PAX7: variants seen among roughly 807,000 people sequenced by gnomAD.
PAX7 encodes paired box 7.
A neutral mutation model predicts 50.7 loss-of-function variants in PAX7; 18 were observed. The observed-to-expected ratio is 0.36, with a 90% CI of 0.25 to 0.53. The LOEUF is 0.53. Ranked by LOEUF, PAX7 falls within the 20% of genes least tolerant of loss-of-function variation. PAX7 has a pLI of 0.93. For missense variants in PAX7, 644 were observed against 702.9 expected (o/e 0.92, Z 0.95); for synonymous variants, 310 against 290.4 (o/e 1.07, Z -0.69).
At position 18,735,772 on chromosome 1, in the gene PAX7, A is replaced by G. The variant is rs1028489496; in HGVS notation, c.1296A>G (p.Pro432=). ...SCSQRADSIK[P]GDSLPTSQAY... ...GCCAGCGGGCCGACTCCATCAAGCC[A>G]GGAGACAGCCTGCCCACCTCCCAGG... Residue 432 remains proline, a synonymous_variant, in exon 8 of 9, where the codon CCA becomes CCG. Coordinates refer to ENST00000420770, the MANE Select transcript of PAX7 (RefSeq NM_001135254.2). The surrounding 1 kb of genome is among the most constrained non-coding windows in gnomAD (Gnocchi z 4.0). The G allele has an allele frequency of 1.2e-6, 2 of 1,614,114 alleles. No homozygotes were observed. Among genetic ancestry groups the G allele is most frequent in the Admixed American group, 1.7e-5 (1 of 60,032 alleles).
chr1:18,634,591 C>A lies in PAX7; in HGVS notation c.321+53C>A. 1 of 1,504,592 alleles carries A rather than the reference C, an allele frequency of 6.6e-7. No homozygotes were observed. The highest frequency in any genetic ancestry group is 1.7e-4 in the Middle Eastern group (1 of 5,826). 93.2% of individuals were successfully genotyped at this position (1,504,592 alleles called of 1,614,324 possible). A position where few individuals can be genotyped will look rare whatever the true frequency, so the allele number is the denominator to read the frequency against. ...AGCTGGCTTCCTATAGTCGGGGGCTCCTGGTTGTGGCCCCTCTTACTACCT... is the reference window on the plus strand; with the variant it reads ...AGCTGGCTTCCTATAGTCGGGGGCTACTGGTTGTGGCCCCTCTTACTACCT... On this transcript the variant is annotated intron_variant, in intron 2 of 8. Transcript: ENST00000420770. The surrounding 1 kb of genome is among the most constrained non-coding windows in gnomAD (Gnocchi z 4.0).
In PAX7 at chr1:18,714,840, G is replaced by T. The variant is rs1270350409; in HGVS notation, c.1155+11544G>T. Among the ~76,000 whole-genome samples, 4 of 152,360 alleles carry T rather than the reference G, an allele frequency of 2.6e-5. No individual in the cohort carries two copies. In the East Asian group the frequency reaches 7.7e-4, roughly 29 times the overall value. On this transcript the variant is annotated intron_variant, in intron 7 of 8. Transcript: ENST00000420770. ...GGGTTTAGCCTTCCAGAGCTGCATG[G>T]CTTGGTGGGAAAGAATGCAAATAGT...
At chr1:18,710,991 A>C (rs914672237) in intron 7 of PAX7, among the ~76,000 whole-genome samples, 2 of 152,220 alleles carry the variant, frequency 1.3e-5, no homozygotes, top group African/African-American at 4.8e-5. Context: ...CGCCCCGCCC[A>C]GCCCTTCCTT....
intron 8 of PAX7, among the ~76,000 whole-genome samples, chr1:18,743,118 C>T (rs192647195): frequency 2.6e-5 from 4 of 152,336 alleles, no homozygotes; most frequent in African/African-American, 9.6e-5. Context: ...ATCTCTCAAG[C>T]TCACATTGTG....
At chr1:18,684,856 G>A (rs1214673209) in intron 4 of PAX7, among the ~76,000 whole-genome samples, 2 of 152,176 alleles carry the variant, frequency 1.3e-5, no homozygotes, top group Non-Finnish European at 2.9e-5. Flanking sequence ...CGGAGGGTGT[G>A]AGGGAGGCTG....
Position 18,716,943 on chromosome 1 carries a change from G to A in PAX7, c.1155+13647G>A, listed in dbSNP as rs376146077. 6.3e-3 allele frequency among the ~76,000 whole-genome samples: 935 copies of A among 149,206 alleles called. 13 individuals are homozygous for A. Among genetic ancestry groups the A allele is most frequent in the South Asian group, 0.027 (127 of 4,676 alleles). ...CAGGGACCGGGCGCGGGCTCCCGAGGCCGGGCGGACCCAAGTCCAGGGCGG... is the reference window on the plus strand; with the variant it reads ...CAGGGACCGGGCGCGGGCTCCCGAGACCGGGCGGACCCAAGTCCAGGGCGG... On this transcript the variant is annotated intron_variant, in intron 7 of 8. Transcript: ENST00000420770.
At chr1:18,684,514 A>G (rs1487931210) in intron 4 of PAX7, among the ~76,000 whole-genome samples, 2 of 152,310 alleles carry the variant, frequency 1.3e-5, no homozygotes, top group East Asian at 3.9e-4. Flanking sequence ...CGAGCCCCGT[A>G]CACCGTGCGC....
chr1:18,719,301 C>T (rs1388029605), intron 7 of PAX7, among the ~76,000 whole-genome samples: 2 of 152,178 alleles, frequency 1.3e-5, no homozygotes, highest in African/African-American at 2.4e-5. Flanking sequence ...CCCGTGTGGG[C>T]GAATGAGTGC....
intron 8 of PAX7, among the ~76,000 whole-genome samples, chr1:18,740,997 G>A (rs996552027): frequency 6.6e-6 from 1 of 152,232 alleles, no homozygotes; most frequent in African/African-American, 2.4e-5. Context: ...GGGAAGCAGG[G>A]AGGGAGATGA....
chr1:18,701,961 T>C (rs141797609), intron 6 of PAX7, among the ~76,000 whole-genome samples: 1 of 152,208 alleles, frequency 6.6e-6, no homozygotes, highest in Non-Finnish European at 1.5e-5. Flanking sequence ...TCCCTCCCCC[T>C]ACCTCACCGG....
intron 7 of PAX7, among the ~76,000 whole-genome samples, chr1:18,725,316 C>A (rs752664247): frequency 7.4e-6 from 1 of 134,652 alleles, no homozygotes; most frequent in African/African-American, 2.9e-5. Flanking sequence ...CCCCCCCGCC[C>A]CACCAACACC....
intron 7 of PAX7, among the ~76,000 whole-genome samples, chr1:18,721,226 A>C (rs2089488767): frequency 6.6e-6 from 1 of 152,126 alleles, no homozygotes; most frequent in South Asian, 2.1e-4. Flanking sequence ...GGTGGGTCCC[A>C]GAGCGCTCAG....
At chr1:18,653,645 A>C (rs1004094967) in intron 4 of PAX7, among the ~76,000 whole-genome samples, 7 of 152,082 alleles carry the variant, frequency 4.6e-5, no homozygotes, top group African/African-American at 1.4e-4. Flanking sequence ...TGACTTTGTC[A>C]GTTCCACCAT....
At position 18,701,432 on chromosome 1, in the gene PAX7, GTGAGTGTGTGCA is replaced by G. The variant is rs550459719; in HGVS notation, c.952+629_952+640del. Among the ~76,000 whole-genome samples, 114 of 152,196 alleles carry G rather than the reference GTGAGTGTGTGCA, an allele frequency of 7.5e-4. 3 individuals are homozygous for G. Among genetic ancestry groups the G allele is most frequent in the Admixed American group, 6.7e-3 (103 of 15,282 alleles). ...TGCGTATGAGTGAGTGAATGAGTGT[GTGAGTGTGTGCA>G]TGAGTGTGTGCATGTGCACGTGTGT... On this transcript the variant is annotated intron_variant, in intron 6 of 8. Transcript: ENST00000420770.
chr1:18,704,528 G>A (rs144442039), intron 7 of PAX7, among the ~76,000 whole-genome samples: 1 of 152,172 alleles, frequency 6.6e-6, no homozygotes, highest in African/African-American at 2.4e-5. Flanking sequence ...GCTGAGGCGA[G>A]AGAATCGCTT....
intron 7 of PAX7, among the ~76,000 whole-genome samples, chr1:18,733,150 C>T (rs2089667568): frequency 1.3e-5 from 1 of 74,560 alleles, no homozygotes; most frequent in South Asian, 3.8e-4. Flanking sequence ...TTGCTCTCCT[C>T]CCCAAGCCCC....
rs752086722 is a variant in PAX7, at chr1:18,735,865, C to T, written c.1389C>T (p.Gly463=). The T allele has an allele frequency of 4.3e-6, 7 of 1,614,044 alleles. No homozygotes were observed. The highest frequency in any genetic ancestry group is 5.9e-6 in the Non-Finnish European group (7 of 1,180,028). Residue 463 remains glycine, a synonymous_variant, in exon 8 of 9, where the codon GGC becomes GGT. Coordinates refer to ENST00000420770, the MANE Select transcript of PAX7 (RefSeq NM_001135254.2). The surrounding 1 kb of genome is among the most constrained non-coding windows in gnomAD (Gnocchi z 4.0). ...SVDPVAGYQY[G]QYGQTAVDYL... is the part of the protein sequence containing the mutation. ...ACCCCGTGGCCGGCTATCAGTACGG[C>T]CAGTACGGCCAGAGTGAGTGCCTGG...
At chr1:18,733,228 G>A (rs1430670442) in intron 7 of PAX7, among the ~76,000 whole-genome samples, 1 of 152,040 alleles carries the variant, frequency 6.6e-6, no homozygotes, top group African/African-American at 2.4e-5. Flanking sequence ...CAGTCCCACA[G>A]TGTCAGACAC....
chr1:18,640,041 C>A (rs2088226910), intron 4 of PAX7, among the ~76,000 whole-genome samples: 3 of 151,728 alleles, frequency 2.0e-5, no homozygotes, highest in African/African-American at 7.3e-5. Context: ...AATTTGCAGA[C>A]TTCCTGGGTG....
Sources: gnomAD v4.1 joint callset for allele counts (sites outside exome capture counted in the v4.1 genomes callset) on GRCh38, gnomAD v4.1.1 for gene constraint, Gnocchi (gnomAD v3.1) non-coding constraint, MANE v1.5 for transcripts, NCBI Gene and HGNC (gene_info 2026-07-23, HGNC 2026-07-21) for gene names.